NCKAP5: variants seen among roughly 807,000 people sequenced by gnomAD.
NCKAP5 encodes nck-associated protein 5.
NCKAP5 carries 92 observed loss-of-function variants against 167.0 expected under a neutral mutation model. The ratio of observed to expected loss-of-function variants is 0.55; its 90% CI spans 0.47 to 0.66. NCKAP5 has a LOEUF of 0.66. NCKAP5 is among the 30% of genes least tolerant of loss of function. The pLI is 0.00. For synonymous variants in NCKAP5, 891 were observed against 877.4 expected, an observed-to-expected ratio of 1.02 and a Z score of -0.27; for missense variants, 2,378 against 2,315.0, an observed-to-expected ratio of 1.03 and a Z score of -0.56.
the NCKAP5 span, among the ~76,000 whole-genome samples, chr2:133,579,732 C>T: frequency 6.6e-6 from 1 of 152,270 alleles, no homozygotes; most frequent in South Asian, 2.1e-4. Flanking sequence ...CACTGCCCTC[C>T]ATCATCAACA....
At chr2:132,777,356 G>T (rs1231681761) in intron 15 of NCKAP5, among the ~76,000 whole-genome samples, 1 of 152,078 alleles carries the variant, frequency 6.6e-6, no homozygotes, top group East Asian at 1.9e-4. Flanking sequence ...ATTCACCATT[G>T]ACATAATTGA....
chr2:132,715,930 A>C (rs1689331268), intron 19 of NCKAP5, among the ~76,000 whole-genome samples: 1 of 152,084 alleles, frequency 6.6e-6, no homozygotes, highest in Admixed American at 6.5e-5. Context: ...TAATACCCAA[A>C]GGTTAATCTT....
chr2:133,330,053 C>CTTTTTTTTT lies in NCKAP5; in HGVS notation c.70-26952_70-26944dup, dbSNP rs1165568563. ...GGGAATGTGGCCAAGAAAGCAAGAC[C>CTTTTTTTTT]TTTTTTTTTTTTTTTTTTTTTTTTT... is the stretch of plus-strand genomic sequence containing the variant. On this transcript the variant is annotated intron_variant, in intron 3 of 19. Transcript: ENST00000409261. 3.9e-4 allele frequency among the ~76,000 whole-genome samples: 33 copies of CTTTTTTTTT among 85,706 alleles called. 4 individuals carry two copies. Among genetic ancestry groups the CTTTTTTTTT allele is most frequent in the African/African-American group, 1.4e-3 (30 of 21,470 alleles). 56.2% of individuals were successfully genotyped at this position (85,706 alleles called of 152,430 possible).
intron 6 of NCKAP5, among the ~76,000 whole-genome samples, chr2:133,062,595 C>T (rs1423674542): frequency 1.3e-5 from 2 of 152,136 alleles, no homozygotes; most frequent in East Asian, 3.8e-4. Flanking sequence ...AAAATCCATG[C>T]AATAATTCTG....
At chr2:132,967,738 A>G (rs2076714630) in intron 7 of NCKAP5, among the ~76,000 whole-genome samples, 1 of 152,232 alleles carries the variant, frequency 6.6e-6, no homozygotes, top group South Asian at 2.1e-4. Context: ...AAGTTCCTAT[A>G]TTCCATGAAA....
At chr2:133,314,876 C>T (rs149204396) in intron 3 of NCKAP5, among the ~76,000 whole-genome samples, 45 of 152,246 alleles carry the variant, frequency 3.0e-4, no homozygotes, top group Middle Eastern at 3.4e-3. Context: ...AAGGAAGTGA[C>T]GGAACTAACC....
chr2:133,140,162 T>C (rs2149834422), intron 5 of NCKAP5, among the ~76,000 whole-genome samples: 1 of 152,354 alleles, frequency 6.6e-6, no homozygotes, highest in East Asian at 1.9e-4. Context: ...CCTTGAAGTT[T>C]TCAGAAGTTG....
chr2:132,887,486 C>G (rs980203853), intron 8 of NCKAP5, among the ~76,000 whole-genome samples: 1 of 152,128 alleles, frequency 6.6e-6, no homozygotes, highest in Non-Finnish European at 1.5e-5. Context: ...TAATATCTAT[C>G]TTGTTACCTC....
At chr2:133,652,488 C>A in the NCKAP5 span, among the ~76,000 whole-genome samples, 1 of 152,190 alleles carries the variant, frequency 6.6e-6, no homozygotes. Context: ...ACGGAGAATT[C>A]ATCCATTAAA....
At chr2:133,253,720 T>G (rs953795643) in intron 4 of NCKAP5, among the ~76,000 whole-genome samples, 1 of 152,180 alleles carries the variant, frequency 6.6e-6, no homozygotes, top group Non-Finnish European at 1.5e-5. Context: ...AAAATGAAGA[T>G]GCAGGCCAAG....
intron 5 of NCKAP5, among the ~76,000 whole-genome samples, chr2:133,175,577 T>G (rs1166772992): frequency 6.6e-6 from 1 of 152,186 alleles, no homozygotes; most frequent in African/African-American, 2.4e-5. Flanking sequence ...TATCCAAAAC[T>G]TTCTGAGAAT....
At chr2:133,150,538 C>T (rs1028222698) in intron 5 of NCKAP5, among the ~76,000 whole-genome samples, 11 of 152,130 alleles carry the variant, frequency 7.2e-5, no homozygotes, top group African/African-American at 2.7e-4. Flanking sequence ...CACTTTCTGT[C>T]GGTGAGGGCT....
intron 3 of NCKAP5, among the ~76,000 whole-genome samples, chr2:133,374,769 A>C (rs1686031949): frequency 6.6e-6 from 1 of 152,132 alleles, no homozygotes; most frequent in African/African-American, 2.4e-5. Context: ...ACAAGCAAAA[A>C]CCCTACTTTT....
chr2:133,651,632 C>T, the NCKAP5 span, among the ~76,000 whole-genome samples: 1 of 152,150 alleles, frequency 6.6e-6, no homozygotes, highest in African/African-American at 2.4e-5. Flanking sequence ...AAAAATAGAA[C>T]TACCATATGA....
At chr2:133,528,450 C>A (rs753554004) in intron 2 of NCKAP5, among the ~76,000 whole-genome samples, 1 of 151,976 alleles carries the variant, frequency 6.6e-6, no homozygotes, top group African/African-American at 2.4e-5. Context: ...GAATCACTGG[C>A]AGATCTCGTT....
At chr2:132,879,051 C>T in intron 8 of NCKAP5, 135 bp from the exon 9 acceptor site, 4 of 690,304 alleles carry the variant, frequency 5.8e-6, no homozygotes, top group South Asian at 3.4e-5. Context: ...GACAAGTTCA[C>T]TCTAAGTACT....
intron 16 of NCKAP5, among the ~76,000 whole-genome samples, chr2:132,739,645 T>A (rs1367074755): frequency 6.6e-6 from 1 of 152,144 alleles, no homozygotes; most frequent in African/African-American, 2.4e-5. Flanking sequence ...GGAAACCAAA[T>A]TGTCATTTGT....
At chr2:132,737,685 A>G (rs1238927544) in intron 16 of NCKAP5, among the ~76,000 whole-genome samples, 2 of 152,178 alleles carry the variant, frequency 1.3e-5, no homozygotes, top group Non-Finnish European at 2.9e-5. Flanking sequence ...AGATCCCACT[A>G]TCTTCATTAT....
At chr2:133,061,443 A>G (rs1217181313) in intron 6 of NCKAP5, among the ~76,000 whole-genome samples, 1 of 152,244 alleles carries the variant, frequency 6.6e-6, no homozygotes, top group Admixed American at 6.5e-5. Flanking sequence ...TGATGAAATA[A>G]CATGTACAAT....
Sources: allele counts gnomAD v4.1 joint callset (sites outside exome capture counted in the v4.1 genomes callset), GRCh38; gene constraint gnomAD v4.1.1; transcripts MANE v1.5; gene names NCBI Gene and HGNC (gene_info 2026-07-23, HGNC 2026-07-21).